Variants in SOX13 observed in about 807,000 individuals in gnomAD.
SOX13 encodes the protein transcription factor SOX-13.
In SOX13, 28 loss-of-function variants were observed where a neutral mutation model predicts 71.8. The ratio of observed to expected loss-of-function variants is 0.39; its 90% confidence interval spans 0.29 to 0.53. SOX13 has a LOEUF of 0.53. Ranked by LOEUF, SOX13 falls within the 20% of genes least tolerant of loss-of-function variation. SOX13 has a pLI of 0.70. For synonymous variants in SOX13, 309 were observed against 317.8 expected (o/e 0.97, Z 0.29); for missense variants, 627 against 810.3 (o/e 0.77, Z 2.75).
In SOX13 at chr1:204,121,976, C is replaced by T. The variant is rs961203418; in HGVS notation, c.852C>T (p.His284=). ...VKRPGAMATH[H]PLQEPSQPLN... ...GGCCTGGGGCCATGGCCACCCACCA[C>T]CCCCTGCAGGTACCGCCCTCTACCC... is the stretch of plus-strand genomic sequence containing the variant. The change falls in exon 8 of 14, where the codon CAC becomes CAT. Residue 284 remains histidine, a synonymous_variant. Coordinates refer to ENST00000367204, the MANE Select transcript of SOX13 (RefSeq NM_005686.3). 6.2e-7 allele frequency: 1 copy of T among 1,604,504 alleles called. No homozygotes were observed. Among genetic ancestry groups the T allele is most frequent in the Non-Finnish European group, 8.5e-7 (1 of 1,171,758 alleles).
chr1:204,116,549 T>C lies in SOX13; in HGVS notation c.461T>C (p.Val154Ala). 6.2e-7 allele frequency: 1 copy of C among 1,613,968 alleles called. No individual in the cohort carries two copies. Among genetic ancestry groups the C allele is most frequent in the Non-Finnish European group, 8.5e-7 (1 of 1,179,878 alleles). ...GCAGAGAAGGAGCTCCAGCTTCTGG[T>C]CATGATTCACCAGCTGTCCACCCTG... The part of the protein sequence containing the change: ...SLAEKELQLL[V>A]MIHQLSTLRD... Residue 154 changes from valine to alanine, a missense_variant, in exon 5 of 14, where the codon GTC (valine) becomes GCC (alanine). Val to Ala is a moderately conservative substitution (Grantham distance 64). Transcript: ENST00000367204.
intron 13 of SOX13, among the ~76,000 whole-genome samples, chr1:204,125,452 G>A (rs949708432): frequency 1.3e-5 from 2 of 152,150 alleles, no homozygotes; most frequent in African/African-American, 4.8e-5. Flanking sequence ...AGCTACTCAG[G>A]AGGCTGAGGC....
intron 6 of SOX13, 81 bp downstream of exon 6, chr1:204,117,271 GA>G (rs1656714253): frequency 8.0e-7 from 1 of 1,242,634 alleles, no homozygotes; most frequent in Admixed American, 1.8e-5. Flanking sequence ...GGGGACAGGG[GA>G]TGTGCACCAA....
At chr1:204,117,235 G>A in intron 6 of SOX13, 45 bp downstream of exon 6, 1 of 1,557,566 alleles carries the variant, frequency 6.4e-7, no homozygotes, top group Admixed American at 1.7e-5. Context: ...GCAGTTGAGG[G>A]AGTTGACACC....
chr1:204,124,590 G>C, intron 12 of SOX13, 51 bp from the exon 13 acceptor site: 1 of 1,489,218 alleles, frequency 6.7e-7, no homozygotes, highest in East Asian at 2.4e-5. Context: ...GGGGCTGGGG[G>C]TGGTCAGCAG....
intron 1 of SOX13, among the ~76,000 whole-genome samples, chr1:204,105,208 T>C (rs575480559): frequency 3.9e-5 from 6 of 152,210 alleles, no homozygotes; most frequent in African/African-American, 1.2e-4. Context: ...GACTCAAGGC[T>C]CTGCATGTCA....
chr1:204,100,377 C>T (rs1656335380), intron 1 of SOX13, among the ~76,000 whole-genome samples: 1 of 152,194 alleles, frequency 6.6e-6, no homozygotes, highest in Non-Finnish European at 1.5e-5. Context: ...CATCTTACCC[C>T]TTTGCCAAGT....
At chr1:204,113,909 AG>A (rs1476932177) in intron 2 of SOX13, among the ~76,000 whole-genome samples, 2 of 152,190 alleles carry the variant, frequency 1.3e-5, no homozygotes, top group East Asian at 1.9e-4. Flanking sequence ...GGTATGTTCA[AG>A]GGAGTGATAA....
intron 7 of SOX13, chr1:204,118,021 T>G (rs1189024215): frequency 4.0e-6 from 1 of 252,414 alleles, no homozygotes; most frequent in Non-Finnish European, 7.7e-6. Flanking sequence ...GTGTGGTGGC[T>G]CACGCATGTA....
rs2975631 is a variant in SOX13 at position 204,124,361 on chromosome 1, A to T, written c.1376-280A>T. ...GGTGGCTGCTCTTTTGTTTATGCAAATCAGGCAGGCCAGAGGCTCAAGGAA... is the reference window on the plus strand; with the variant it reads ...GGTGGCTGCTCTTTTGTTTATGCAATTCAGGCAGGCCAGAGGCTCAAGGAA... On this transcript the variant is annotated intron_variant, in intron 12 of 13. Transcript: ENST00000367204. Among the ~76,000 whole-genome samples, 22,799 of 152,204 alleles carry T rather than the reference A, an allele frequency of 0.15. 2,046 individuals carry two copies. The highest frequency in any genetic ancestry group is 0.4 in the East Asian group (2,074 of 5,182).
In SOX13 at chr1:204,073,599, G is replaced by T. The variant is rs946715420; in HGVS notation, c.-114G>T. The T allele has an allele frequency of 1.3e-5, 2 of 151,700 alleles. No homozygotes were observed. The highest frequency in any genetic ancestry group is 2.9e-5 in the Non-Finnish European group (2 of 67,864). 9.4% of individuals were successfully genotyped at this position (151,700 alleles called of 1,614,324 possible). ...CCCAACCCGGCCCGCCCGCCGCGTC[G>T]CGGGGGCATGTGAGCGGGAAGCCTA... On this transcript the variant is annotated 5_prime_UTR_variant, in exon 1 of 14. Coordinates refer to ENST00000367204, the MANE Select transcript of SOX13 (RefSeq NM_005686.3). The surrounding 1 kb of genome is among the most constrained non-coding windows in gnomAD (Gnocchi z 6.8).
At chr1:204,084,526 A>G (rs1361699880) in intron 1 of SOX13, among the ~76,000 whole-genome samples, 1 of 152,076 alleles carries the variant, frequency 6.6e-6, no homozygotes, top group Non-Finnish European at 1.5e-5. Context: ...CTGGAGCCCC[A>G]TGCTGGGAGC....
chr1:204,085,173 T>C (rs1464140347), intron 1 of SOX13, among the ~76,000 whole-genome samples: 4 of 152,148 alleles, frequency 2.6e-5, no homozygotes, highest in Non-Finnish European at 5.9e-5. Flanking sequence ...GCCACTGCAC[T>C]AGGGACTGGG....
intron 1 of SOX13, among the ~76,000 whole-genome samples, chr1:204,101,127 C>A (rs1050826050): frequency 1.3e-5 from 2 of 152,252 alleles, no homozygotes; most frequent in African/African-American, 4.8e-5. Context: ...CCTGTCAACA[C>A]TGCCTGGTGG....
At chr1:204,089,119 A>G (rs568640138) in intron 1 of SOX13, among the ~76,000 whole-genome samples, 1 of 147,288 alleles carries the variant, frequency 6.8e-6, no homozygotes, top group South Asian at 2.1e-4. Flanking sequence ...TGTTACTAGC[A>G]ATTTATTACA....
chr1:204,118,443 C>T (rs1191238828), intron 7 of SOX13: 1 of 152,034 alleles, frequency 6.6e-6, no homozygotes. Flanking sequence ...CTGCTGCAGC[C>T]TCCACCTCCC....
intron 1 of SOX13, among the ~76,000 whole-genome samples, chr1:204,104,794 T>A (rs1027567816): frequency 6.6e-6 from 1 of 152,190 alleles, no homozygotes; most frequent in Admixed American, 6.5e-5. Flanking sequence ...CCCGTCATGC[T>A]ACGATGACTG....
chr1:204,114,638 G>C (rs758935398), intron 4 of SOX13, 33 bp downstream of exon 4: 2 of 1,498,640 alleles, frequency 1.3e-6, no homozygotes, highest in Non-Finnish European at 1.9e-6. Context: ...GGAGATGTTT[G>C]AACCCCATCT....
intron 1 of SOX13, among the ~76,000 whole-genome samples, chr1:204,076,863 C>T (rs1013943349): frequency 1.3e-5 from 2 of 152,232 alleles, no homozygotes; most frequent in African/African-American, 2.4e-5. Context: ...GCCTGTGCTA[C>T]GCAGTGGGAT....
Sources: allele counts gnomAD v4.1 joint callset (sites outside exome capture counted in the v4.1 genomes callset), GRCh38; gene constraint gnomAD v4.1.1; non-coding constraint Gnocchi (gnomAD v3.1); transcripts MANE v1.5; gene names NCBI Gene and HGNC (gene_info 2026-07-23, HGNC 2026-07-21).